Variants in FSTL5 observed in about 807,000 individuals in gnomAD.
The protein encoded by FSTL5 is follistatin-related protein 5.
A neutral mutation model predicts 89.1 loss-of-function variants in FSTL5; 62 were observed. The ratio of observed to expected loss-of-function variants is 0.70; its 90% confidence interval spans 0.57 to 0.86. The LOEUF (loss-of-function observed/expected upper bound fraction) is 0.86, where lower values mean the gene tolerates loss of function less well. FSTL5 is among the 40% of genes least tolerant of loss of function. The pLI is 0.00. For missense variants in FSTL5, 1,057 were observed against 1,001.6 expected (o/e 1.06, Z -0.75); for synonymous variants, 383 against 346.2 (o/e 1.11, Z -1.18).
At chr4:161,911,701 A>G (rs6536628) in intron 4 of FSTL5, among the ~76,000 whole-genome samples, 1 of 152,048 alleles carries the variant, frequency 6.6e-6, no homozygotes, top group African/African-American at 2.4e-5. Flanking sequence ...TAGCTAGATG[A>G]TATGATGTCT....
chr4:161,424,814 A>T (rs1732116582), intron 15 of FSTL5, among the ~76,000 whole-genome samples: 1 of 152,240 alleles, frequency 6.6e-6, no homozygotes, highest in African/African-American at 2.4e-5. Flanking sequence ...CTAAAACTTT[A>T]TGGAAGTAGA....
At chr4:162,012,488 C>T (rs955214350) in intron 3 of FSTL5, among the ~76,000 whole-genome samples, 2 of 151,958 alleles carry the variant, frequency 1.3e-5, no homozygotes, top group Non-Finnish European at 1.5e-5. Context: ...TAATATAACC[C>T]AAATTTCAAT....
chr4:161,576,970 A>C (rs1449782729), intron 8 of FSTL5, among the ~76,000 whole-genome samples: 1 of 152,230 alleles, frequency 6.6e-6, no homozygotes, highest in African/African-American at 2.4e-5. Flanking sequence ...TAGTGACAAA[A>C]TTAACATTTT....
At chr4:161,947,001 T>C (rs1310578102) in intron 3 of FSTL5, among the ~76,000 whole-genome samples, 1 of 152,212 alleles carries the variant, frequency 6.6e-6, no homozygotes, top group Admixed American at 6.5e-5. Context: ...AATGTAATGA[T>C]TGACATTTAA....
At chr4:161,713,919 G>T (rs764283104) in intron 6 of FSTL5, among the ~76,000 whole-genome samples, 2 of 151,898 alleles carry the variant, frequency 1.3e-5, no homozygotes, top group South Asian at 2.1e-4. Context: ...TTGTCACATT[G>T]TTCCTCAAAA....
At chr4:161,547,144 G>A (rs547360575) in intron 8 of FSTL5, among the ~76,000 whole-genome samples, 1 of 152,110 alleles carries the variant, frequency 6.6e-6, no homozygotes, top group African/African-American at 2.4e-5. Flanking sequence ...AAAAAACTAA[G>A]GCCTCCTGCC....
intron 15 of FSTL5, among the ~76,000 whole-genome samples, chr4:161,393,490 C>T (rs1380939312): frequency 6.6e-6 from 1 of 151,806 alleles, no homozygotes; most frequent in East Asian, 1.9e-4. Flanking sequence ...GGAACCTCTT[C>T]GAAGATGGGA....
rs116144369 is a variant in FSTL5 at position 161,972,572 on chromosome 4, G to A, written c.161-51920C>T. The stretch of plus-strand genomic sequence containing the variant: ...AGCCAGCAAGGAACCAAGGCCCCTA[G>A]TGGAACAGGCCCCAGAGCCCTCAGG... On this transcript the variant is annotated intron_variant, in intron 3 of 15. Transcript: ENST00000306100. Among the ~76,000 whole-genome samples the A allele has an allele frequency of 7.8e-3, 1,191 of 152,190 alleles. 9 individuals are homozygous for A. Among genetic ancestry groups the A allele is most frequent in the Middle Eastern group, 0.027 (8 of 294 alleles).
intron 13 of FSTL5, among the ~76,000 whole-genome samples, chr4:161,468,512 A>T (rs1354714972): frequency 6.6e-6 from 1 of 152,148 alleles, no homozygotes; most frequent in Non-Finnish European, 1.5e-5. Context: ...AGGTTAGTTG[A>T]GAATGTACTG....
At chr4:161,783,693 T>TTCTCTCTC (rs1741766874) in intron 4 of FSTL5, among the ~76,000 whole-genome samples, 3 of 26,808 alleles carry the variant, frequency 1.1e-4, no homozygotes, top group African/African-American at 3.5e-4. Context: ...CTTTCTTTCT[T>TTCTCTCTC]TCTTTCTTTC....
intron 13 of FSTL5, among the ~76,000 whole-genome samples, chr4:161,472,323 T>C (rs998937437): frequency 1.3e-5 from 2 of 152,186 alleles, no homozygotes; most frequent in Non-Finnish European, 2.9e-5. Flanking sequence ...TCAATAGTTT[T>C]CTCTATTCTC....
At position 161,432,271 on chromosome 4, in the gene FSTL5, T is replaced by C. The variant is rs78543978; in HGVS notation, c.1841+22733A>G. On this transcript the variant is annotated intron_variant, in intron 15 of 15. Transcript: ENST00000306100. ...TATCAAAGATCTTCTCTGACCACAA[T>C]GGAATAAAATTCAAAATCAGTAACA... Among the ~76,000 whole-genome samples the C allele has an allele frequency of 3.2e-3, 488 of 152,128 alleles. 13 individuals carry two copies. In the East Asian group the frequency reaches 0.054, roughly 17 times the overall value.
chr4:161,863,540 G>A (rs915628699), intron 4 of FSTL5, among the ~76,000 whole-genome samples: 2 of 152,120 alleles, frequency 1.3e-5, no homozygotes, highest in Non-Finnish European at 2.9e-5. Context: ...ATATGATGCG[G>A]GCAAAGAAAA....
chr4:161,935,382 G>T (rs1052869847), intron 3 of FSTL5, among the ~76,000 whole-genome samples: 6 of 152,038 alleles, frequency 3.9e-5, no homozygotes, highest in African/African-American at 1.4e-4. Flanking sequence ...TGCTCAAAAA[G>T]GTCAAACACC....
intron 3 of FSTL5, among the ~76,000 whole-genome samples, chr4:161,979,177 C>T (rs1033073392): frequency 6.6e-6 from 1 of 152,078 alleles, no homozygotes; most frequent in Non-Finnish European, 1.5e-5. Context: ...TGTCCTAGCC[C>T]ATATTGGCTT....
chr4:161,979,421 A>G (rs1472293112), intron 3 of FSTL5, among the ~76,000 whole-genome samples: 4 of 152,118 alleles, frequency 2.6e-5, no homozygotes, highest in Non-Finnish European at 5.9e-5. Flanking sequence ...CATTTACTTG[A>G]TTCAGTTATT....
chr4:161,960,824 T>A (rs552394086), intron 3 of FSTL5, among the ~76,000 whole-genome samples: 6 of 151,946 alleles, frequency 3.9e-5, no homozygotes, highest in African/African-American at 1.4e-4. Flanking sequence ...AAAATAATAA[T>A]TACCTCAAAA....
chr4:161,582,231 T>C (rs966738733), intron 8 of FSTL5, among the ~76,000 whole-genome samples: 9 of 152,220 alleles, frequency 5.9e-5, no homozygotes, highest in African/African-American at 2.2e-4. Flanking sequence ...TTTGTTTTTA[T>C]TATGAATTGA....
intron 4 of FSTL5, among the ~76,000 whole-genome samples, chr4:161,828,861 AG>A (rs1458514433): frequency 1.3e-5 from 2 of 152,162 alleles, no homozygotes; most frequent in African/African-American, 4.8e-5. Flanking sequence ...CTGCATACAA[AG>A]AAAGAACAGA....
Sources: gnomAD v4.1 joint callset for allele counts (sites outside exome capture counted in the v4.1 genomes callset) on GRCh38, gnomAD v4.1.1 for gene constraint, MANE v1.5 for transcripts, NCBI Gene and HGNC (gene_info 2026-07-23, HGNC 2026-07-21) for gene names.